CCBE1: variants seen among roughly 807,000 people sequenced by gnomAD.
CCBE1 encodes the protein collagen and calcium binding EGF domains 1.
Under a neutral mutation model 50.0 loss-of-function variants are expected in CCBE1, and 37 were observed. That is an observed-to-expected ratio of 0.74 (90% CI 0.57 to 0.97). The LOEUF is 0.97. CCBE1 is among the 50% of genes least tolerant of loss of function. CCBE1 has a pLI of 0.00. For synonymous variants in CCBE1, 234 were observed against 203.7 expected, an observed-to-expected ratio of 1.15 and a Z score of -1.27; for missense variants, 538 against 523.8, an observed-to-expected ratio of 1.03 and a Z score of -0.26.
At chr18:59,572,706 T>C (rs1026842671) in intron 2 of CCBE1, among the ~76,000 whole-genome samples, 3 of 152,174 alleles carry the variant, frequency 2.0e-5, no homozygotes, top group Non-Finnish European at 4.4e-5. Context: ...GCAGGGACAG[T>C]CTTCAGAGGG....
chr18:59,629,080 A>C (rs1415508435), intron 2 of CCBE1, among the ~76,000 whole-genome samples: 1 of 151,550 alleles, frequency 6.6e-6, no homozygotes, highest in East Asian at 1.9e-4. Flanking sequence ...AGATCCTGTC[A>C]CTCCTCTGTT....
At chr18:59,524,008 T>G (rs2144333447) in intron 2 of CCBE1, among the ~76,000 whole-genome samples, 1 of 152,346 alleles carries the variant, frequency 6.6e-6, no homozygotes, top group South Asian at 2.1e-4. Flanking sequence ...AAACAAGCCT[T>G]TATGGCTACA....
At chr18:59,636,988 G>A (rs1040862583) in intron 2 of CCBE1, among the ~76,000 whole-genome samples, 1 of 152,174 alleles carries the variant, frequency 6.6e-6, no homozygotes, top group South Asian at 2.1e-4. Context: ...AGGTTTGTGT[G>A]AACATTCCCC....
At chr18:59,550,704 A>G (rs1043084298) in intron 2 of CCBE1, among the ~76,000 whole-genome samples, 4 of 152,162 alleles carry the variant, frequency 2.6e-5, no homozygotes, top group African/African-American at 9.7e-5. Context: ...GTGTTTTGGA[A>G]AACATTTTCC....
intron 2 of CCBE1, among the ~76,000 whole-genome samples, chr18:59,601,894 A>T (rs1568228603): frequency 6.6e-6 from 1 of 152,152 alleles, no homozygotes; most frequent in Non-Finnish European, 1.5e-5. Context: ...CCTCCTTGTC[A>T]CTATTAGTTT....
intron 2 of CCBE1, among the ~76,000 whole-genome samples, chr18:59,492,623 A>G (rs680521): frequency 0.86 from 131,586 of 152,270 alleles, 56,949 homozygotes; most frequent in East Asian, 0.95. Context: ...CTAGTGATGT[A>G]GATCAATACA....
chr18:59,682,005 C>T (rs1022691540), intron 2 of CCBE1, among the ~76,000 whole-genome samples: 2 of 152,144 alleles, frequency 1.3e-5, no homozygotes, highest in Non-Finnish European at 2.9e-5. Flanking sequence ...TGAGGTTCGG[C>T]GAGAGCCAGA....
At chr18:59,494,104 G>A (rs1241211145) in intron 2 of CCBE1, among the ~76,000 whole-genome samples, 4 of 152,148 alleles carry the variant, frequency 2.6e-5, no homozygotes, top group Non-Finnish European at 5.9e-5. Context: ...CCTGGCTAGG[G>A]ACACACAAGA....
rs113316084 is a variant in CCBE1, at chr18:59,692,638, A to G, written c.212+3991T>C. On this transcript the variant is annotated intron_variant, in intron 2 of 10. Transcript: ENST00000439986. ...TCTTCAAAGCACTCCAAGTAAACAC[A>G]TTTGCAAAAACATCACATTAATTTT... is the stretch of plus-strand genomic sequence containing the variant. 3.0e-3 allele frequency among the ~76,000 whole-genome samples: 463 copies of G among 152,268 alleles called. 1 individual carries two copies. The highest frequency in any genetic ancestry group is 0.01 in the African/African-American group (417 of 41,544).
rs545043487 is a variant in CCBE1 at position 59,457,435 on chromosome 18, A to G, written c.554-2484T>C. On this transcript the variant is annotated intron_variant, in intron 5 of 10. Coordinates refer to ENST00000439986, the MANE Select transcript of CCBE1 (RefSeq NM_133459.4). ...TTGGGCAGGTTACTTGGCCTCCACA[A>G]ACCCCACTTGCCTCGACCACAGCCC... is the stretch of plus-strand genomic sequence containing the variant. Among the ~76,000 whole-genome samples, 28 of 152,270 alleles carry G rather than the reference A, an allele frequency of 1.8e-4. No individual in the cohort carries two copies. In the East Asian group the frequency reaches 5.4e-3, roughly 29 times the overall value.
chr18:59,466,304 C>T (rs1332612167), intron 5 of CCBE1, among the ~76,000 whole-genome samples: 1 of 151,936 alleles, frequency 6.6e-6, no homozygotes, highest in Admixed American at 6.6e-5. Context: ...TCTCAGAGAT[C>T]TGATGGTTTA....
intron 2 of CCBE1, among the ~76,000 whole-genome samples, chr18:59,629,094 A>C (rs1167459584): frequency 6.6e-6 from 1 of 151,474 alleles, no homozygotes; most frequent in Non-Finnish European, 1.5e-5. Context: ...CTCTGTTCAA[A>C]CTCTCCAAGG....
At chr18:59,521,415 T>C (rs752837953) in intron 2 of CCBE1, among the ~76,000 whole-genome samples, 9 of 152,192 alleles carry the variant, frequency 5.9e-5, no homozygotes, top group Non-Finnish European at 1.3e-4. Flanking sequence ...GAACACATTC[T>C]TTGTTTGTTT....
intron 2 of CCBE1, among the ~76,000 whole-genome samples, chr18:59,625,608 C>T (rs1599075951): frequency 6.6e-6 from 1 of 152,242 alleles, no homozygotes; most frequent in South Asian, 2.1e-4. Context: ...AGGGGAACCA[C>T]CTTCTCCCTG....
intron 7 of CCBE1, among the ~76,000 whole-genome samples, chr18:59,443,132 T>C (rs1910513537): frequency 6.6e-6 from 1 of 152,240 alleles, no homozygotes; most frequent in East Asian, 1.9e-4. Flanking sequence ...TACCACCTTA[T>C]CATGGAAGCT....
chr18:59,621,963 C>A (rs529791817), intron 2 of CCBE1, among the ~76,000 whole-genome samples: 1 of 152,180 alleles, frequency 6.6e-6, no homozygotes, highest in Non-Finnish European at 1.5e-5. Flanking sequence ...CCCATCTAAA[C>A]GACACCCCAG....
At chr18:59,505,902 A>C (rs1218444441) in intron 2 of CCBE1, among the ~76,000 whole-genome samples, 1 of 152,208 alleles carries the variant, frequency 6.6e-6, no homozygotes, top group African/African-American at 2.4e-5. Flanking sequence ...TAATTTAAAG[A>C]AGGGTTGTTT....
At chr18:59,579,574 A>C (rs1338538717) in intron 2 of CCBE1, among the ~76,000 whole-genome samples, 1 of 152,206 alleles carries the variant, frequency 6.6e-6, no homozygotes, top group African/African-American at 2.4e-5. Flanking sequence ...TTTATTTTGT[A>C]ATGCATTTGT....
chr18:59,529,056 C>T (rs145097200), intron 2 of CCBE1, among the ~76,000 whole-genome samples: 4 of 152,364 alleles, frequency 2.6e-5, no homozygotes, highest in Middle Eastern at 3.4e-3. Flanking sequence ...TCCTCAGAGA[C>T]AGCAAGGGGA....
Sources: allele counts gnomAD v4.1 joint callset (sites outside exome capture counted in the v4.1 genomes callset), GRCh38; gene constraint gnomAD v4.1.1; transcripts MANE v1.5; gene names NCBI Gene and HGNC (gene_info 2026-07-23, HGNC 2026-07-21).